SRP68: variants seen among roughly 807,000 people sequenced by gnomAD.
SRP68 encodes the protein signal recognition particle 68, also known as signal recognition particle subunit SRP68.
A neutral mutation model predicts 82.2 loss-of-function variants in SRP68; 15 were observed. The ratio of observed to expected loss-of-function variants is 0.18; its 90% CI spans 0.12 to 0.28. SRP68 has a LOEUF of 0.28. Among genes scored for constraint, SRP68 ranks in the 10% least tolerant of loss-of-function variants. The pLI, the probability that SRP68 is intolerant of heterozygous loss-of-function variation, is 1.00. For synonymous variants in SRP68, 261 were observed against 292.6 expected (o/e 0.89, Z 1.10); for missense variants, 595 against 780.5 (o/e 0.76, Z 2.83).
chr17:76,048,965 C>A (rs2066651946), intron 9 of SRP68: 1 of 152,170 alleles, frequency 6.6e-6, no homozygotes, highest in African/African-American at 2.4e-5. Context: ...GGCAAGGAAG[C>A]AGGTGACTCC....
At chr17:76,043,589 G>T in intron 13 of SRP68, 1 of 280,154 alleles carries the variant, frequency 3.6e-6, no homozygotes, top group Non-Finnish European at 6.6e-6. Context: ...GGTGGTTTTT[G>T]TTTCTTTTAA....
rs114061854 is a variant in SRP68, at chr17:76,061,223, C to T, written c.645-4G>A. 2,946 of 1,598,320 alleles carry T rather than the reference C, an allele frequency of 1.8e-3. 37 individuals carry two copies. In the African/African-American group the frequency reaches 0.027, roughly 14 times the overall value. ...GGCTAGCTTCTCATAGATAGTTCTG[C>T]GAGAAAAGAAAAGCCAGGTTTTACA... On this transcript the variant is annotated splice_polypyrimidine_tract_variant and splice_region_variant and intron_variant, in intron 5 of 15. Transcript: ENST00000307877.
chr17:76,062,578 C>CATTATATATTATATAATATACATTATAT (rs1309091176), intron 4 of SRP68, among the ~76,000 whole-genome samples: 4 of 36,322 alleles, frequency 1.1e-4, no homozygotes, highest in African/African-American at 5.6e-4. Flanking sequence ...ATATAATATA[C>CATTATATATTATATAATATACATTATAT]ATTATATAAT....
intron 8 of SRP68, among the ~76,000 whole-genome samples, chr17:76,053,142 G>A (rs2066687183): frequency 6.6e-6 from 1 of 151,776 alleles, no homozygotes; most frequent in Admixed American, 6.6e-5. Flanking sequence ...GTGCATGCCT[G>A]TGGTCCCAGC....
intron 6 of SRP68, 155 bp downstream of exon 6, chr17:76,060,955 C>T: frequency 1.5e-6 from 1 of 649,888 alleles, no homozygotes; most frequent in Non-Finnish European, 2.7e-6. Context: ...CTGGCTTCAA[C>T]AGTTCTGCTT....
chr17:76,072,417 G>GCCGCCGCCACTGCCA lies in SRP68; in HGVS notation c.60_74dup (p.Gly26_Gly30dup). On this transcript the variant is annotated inframe_insertion, in exon 1 of 16. Coordinates refer to ENST00000307877, the MANE Select transcript of SRP68 (RefSeq NM_014230.4). This position sits in a 1 kb window ranked among gnomAD's most constrained non-coding sequence, Gnocchi z 4.5. ...CGGCACCACGTCCACCGCCGCTACC[G>GCCGCCGCCACTGCCA]CCGCCGCCACTGCCACCGCCGCCGC... The GCCGCCGCCACTGCCA allele has an allele frequency of 6.3e-7, 1 of 1,583,696 alleles. No individual in the cohort carries two copies. Among genetic ancestry groups the GCCGCCGCCACTGCCA allele is most frequent in the Non-Finnish European group, 8.6e-7 (1 of 1,167,078 alleles).
At chr17:76,052,828 G>C (rs1400913599) in intron 8 of SRP68, among the ~76,000 whole-genome samples, 1 of 144,568 alleles carries the variant, frequency 6.9e-6, no homozygotes, top group African/African-American at 2.6e-5. Flanking sequence ...AAAATCCCTA[G>C]ATGATGAGTT....
At chr17:76,053,400 A>C (rs2066689988) in intron 8 of SRP68, 1 of 933,506 alleles carries the variant, frequency 1.1e-6, no homozygotes, top group African/African-American at 1.8e-5. Context: ...AAGTGGGGTT[A>C]AGTGGTTGGA....
chr17:76,068,620 G>T (rs926891449), intron 2 of SRP68, among the ~76,000 whole-genome samples: 2 of 152,142 alleles, frequency 1.3e-5, no homozygotes, highest in East Asian at 3.8e-4. Flanking sequence ...TTAGGTTATC[G>T]CCAAGAAGCA....
At chr17:76,059,591 C>A (rs1452559835) in intron 7 of SRP68, among the ~76,000 whole-genome samples, 1 of 151,992 alleles carries the variant, frequency 6.6e-6, no homozygotes, top group Non-Finnish European at 1.5e-5. Flanking sequence ...TTTCCCTGAT[C>A]TTTTGTATTT....
intron 2 of SRP68, 149 bp downstream of exon 2, chr17:76,070,229 A>AAAAAC: frequency 2.9e-6 from 2 of 689,286 alleles, no homozygotes; most frequent in Non-Finnish European, 2.4e-6. Flanking sequence ...TCTCAAAAAA[A>AAAAAC]AAAAAAAAAA....
In SRP68 at chr17:76,045,397, G is replaced by A. The variant is rs578049504; in HGVS notation, c.1300-11C>T. The A allele has an allele frequency of 6.3e-7, 1 of 1,577,492 alleles. No individual in the cohort carries two copies. Among genetic ancestry groups the A allele is most frequent in the South Asian group, 1.1e-5 (1 of 89,972 alleles). ...CAATTCCACCAGATTCTGTACAACA[G>A]ATGCAACAAGAAAATTCATGAAGAG... is the stretch of plus-strand genomic sequence containing the variant. On this transcript the variant is annotated splice_polypyrimidine_tract_variant and intron_variant, in intron 11 of 15. Coordinates refer to ENST00000307877, the MANE Select transcript of SRP68 (RefSeq NM_014230.4).
At chr17:76,070,341 C>A (rs753689464) in intron 2 of SRP68, 37 bp downstream of exon 2, 3 of 1,566,002 alleles carry the variant, frequency 1.9e-6, no homozygotes, top group Non-Finnish European at 2.6e-6. Context: ...AAGCAAGTCC[C>A]ACAATGATTT....
intron 13 of SRP68, chr17:76,043,545 T>C (rs578193254): frequency 9.7e-6 from 2 of 207,176 alleles, no homozygotes; most frequent in Non-Finnish European, 1.9e-5. Flanking sequence ...CAACGTGCAG[T>C]CAAGTCTGAG....
In SRP68 at chr17:76,061,639, T is replaced by C; in HGVS notation, c.562-65A>G. ...AACCAGTGCTCCCACTCAATCTTCC[T>C]TTATTGGCTTCTAACTTTGATATCA... On this transcript the variant is annotated intron_variant, in intron 4 of 15. Transcript: ENST00000307877. 3 of 1,340,448 alleles carry C rather than the reference T, an allele frequency of 2.2e-6. No individual in the cohort carries two copies. The South Asian group carries it at 3.6e-5, about 16-fold the overall frequency. 83.0% of individuals were successfully genotyped at this position (1,340,448 alleles called of 1,614,324 possible). A position where few individuals can be genotyped will look rare whatever the true frequency, so the allele number is the denominator to read the frequency against.
intron 3 of SRP68, among the ~76,000 whole-genome samples, chr17:76,064,996 A>G (rs2066796116): frequency 6.6e-6 from 1 of 152,202 alleles, no homozygotes; most frequent in Non-Finnish European, 1.5e-5. Context: ...GTAGTAATAC[A>G]AATAACACAT....
intron 2 of SRP68, among the ~76,000 whole-genome samples, chr17:76,067,592 T>C (rs943255682): frequency 6.6e-6 from 1 of 152,036 alleles, no homozygotes; most frequent in Non-Finnish European, 1.5e-5. Flanking sequence ...GCCTCCTGGG[T>C]AGATGTGACC....
chr17:76,053,116 T>A (rs1899254785), intron 8 of SRP68, among the ~76,000 whole-genome samples: 1 of 150,878 alleles, frequency 6.6e-6, no homozygotes, highest in African/African-American at 2.4e-5. Flanking sequence ...GCAAAAAAAA[T>A]TAGCCAGGTG....
intron 4 of SRP68, among the ~76,000 whole-genome samples, chr17:76,062,662 T>C (rs1274076448): frequency 5.1e-5 from 2 of 39,244 alleles, no homozygotes; most frequent in Non-Finnish European, 7.0e-5. Context: ...ATATATTATA[T>C]AATATACATT....
Sources: gnomAD v4.1 joint callset for allele counts (sites outside exome capture counted in the v4.1 genomes callset) on GRCh38, gnomAD v4.1.1 for gene constraint, Gnocchi (gnomAD v3.1) non-coding constraint, MANE v1.5 for transcripts, NCBI Gene and HGNC (gene_info 2026-07-23, HGNC 2026-07-21) for gene names.